Variants in XIAP observed in about 807,000 individuals in gnomAD.
XIAP encodes the protein X-linked inhibitor of apoptosis, also known as E3 ubiquitin-protein ligase XIAP.
In XIAP, 3 loss-of-function variants were observed where a neutral mutation model predicts 33.1. The ratio of observed to expected loss-of-function variants is 0.09; its 90% confidence interval spans 0.04 to 0.23. The LOEUF (loss-of-function observed/expected upper bound fraction) is 0.23, where lower values mean the gene tolerates loss of function less well. Ranked by LOEUF, XIAP falls within the 10% of genes least tolerant of loss-of-function variation. XIAP has a pLI of 1.00. For missense variants in XIAP, 264 were observed against 363.0 expected (o/e 0.73, Z 2.22); for synonymous variants, 98 against 121.3 (o/e 0.81, Z 1.26).
intron 1 of XIAP, among the ~76,000 whole-genome samples, chrX:123,877,662 A>G (rs991959593): frequency 2.7e-5 from 3 of 112,043 alleles, no homozygotes; most frequent in Non-Finnish European, 5.6e-5. Flanking sequence ...GATAGAATCA[A>G]ACTTTTTCTC....
At chrX:123,884,366 C>T (rs1041262338) in intron 1 of XIAP, among the ~76,000 whole-genome samples, 1 of 110,514 alleles carries the variant, frequency 9.0e-6, no homozygotes. Context: ...TGCCTGTAAT[C>T]CCAGCTACTT....
chrX:123,881,941 G>T (rs1320431458), intron 1 of XIAP, among the ~76,000 whole-genome samples: 1 of 110,421 alleles, frequency 9.1e-6, no homozygotes, highest in African/African-American at 3.3e-5. Context: ...TTTTGGTAGA[G>T]ATGGGGTTTC....
intron 1 of XIAP, chrX:123,872,541 T>C (rs2053204302): frequency 9.1e-6 from 1 of 109,792 alleles, no homozygotes; most frequent in African/African-American, 3.3e-5. Flanking sequence ...ATACAAAAAT[T>C]AGTCGGGCAT....
chrX:123,889,956 A>G (rs1162136932), intron 3 of XIAP, among the ~76,000 whole-genome samples: 1 of 99,946 alleles, frequency 1.0e-5, no homozygotes, highest in Non-Finnish European at 2.0e-5. Flanking sequence ...CCTAGGAAAT[A>G]TTAATGTATC....
Position 123,892,735 on chromosome X carries a change from G to T in XIAP, c.1061G>T (p.Arg354Ile). The T allele has an allele frequency of 8.3e-7, 1 of 1,201,880 alleles. No individual in the cohort carries two copies. The highest frequency in any genetic ancestry group is 1.1e-6 in the Non-Finnish European group (1 of 887,426). The change falls in exon 5 of 7, where the codon AGA becomes ATA. Residue 354 changes from arginine to isoleucine, a missense_variant. Physicochemically the swap from Arg to Ile is moderately conservative, Grantham distance 97. Coordinates refer to ENST00000371199, the MANE Select transcript of XIAP (RefSeq NM_001167.4). ...LTHSLEECLV[R>I]TTEKTPSLTR... ...CAGTTCCTATTTCTGTTACAGGTAAGAACTACTGAGAAAACACCATCACTA... is the reference window on the plus strand; with the variant it reads ...CAGTTCCTATTTCTGTTACAGGTAATAACTACTGAGAAAACACCATCACTA...
At chrX:123,874,909 T>C (rs1281630682) in intron 1 of XIAP, among the ~76,000 whole-genome samples, 2 of 95,515 alleles carry the variant, frequency 2.1e-5, no homozygotes, top group Non-Finnish European at 4.1e-5. Flanking sequence ...GCCTAGGTTT[T>C]GCCATGTTGG....
intron 1 of XIAP, chrX:123,878,813 T>C (rs778329837): frequency 2.7e-5 from 3 of 112,437 alleles, no homozygotes; most frequent in African/African-American, 9.7e-5. Context: ...TTAAATAATA[T>C]TGTCACCTTC....
At position 123,911,629 on chromosome X, in the gene XIAP, G is replaced by T. The variant is rs2053603985; in HGVS notation, c.*4448G>T. The T allele has an allele frequency of 3.1e-6, 1 of 322,477 alleles. No homozygotes were observed. The highest frequency in any genetic ancestry group is 6.0e-6 in the Non-Finnish European group (1 of 167,674). The allele number at this position is 322,477 out of a possible 1,213,427, so 26.6% of individuals were successfully genotyped here. A position where few individuals can be genotyped will look rare whatever the true frequency, so the allele number is the denominator to read the frequency against. On this transcript the variant is annotated 3_prime_UTR_variant, in exon 7 of 7. Transcript: ENST00000371199. ...TGAATTTGAGGCAGCAGTGAGCTAT[G>T]ATTGTGCCACTGTACTCCAGTCTGG...
chrX:123,889,604 G>A (rs1183885720), intron 3 of XIAP, among the ~76,000 whole-genome samples: 10 of 107,896 alleles, frequency 9.3e-5, no homozygotes, highest in South Asian at 8.0e-4. Flanking sequence ...TGCAATCTCC[G>A]CCTCCTGGGT....
chrX:123,868,311 A>T (rs980211241), intron 1 of XIAP, among the ~76,000 whole-genome samples: 1 of 111,244 alleles, frequency 9.0e-6, no homozygotes, highest in Non-Finnish European at 1.9e-5. Flanking sequence ...ACAAACAAGC[A>T]AACAAACAAA....
intron 1 of XIAP, among the ~76,000 whole-genome samples, chrX:123,883,218 GA>G: frequency 9.2e-6 from 1 of 108,570 alleles, no homozygotes; most frequent in Admixed American, 1.0e-4. Context: ...GAGTAGCTGG[GA>G]TTACAGGTAC....
intron 1 of XIAP, among the ~76,000 whole-genome samples, chrX:123,874,188 A>G (rs1005521179): frequency 3.6e-5 from 4 of 111,890 alleles, no homozygotes; most frequent in African/African-American, 9.7e-5. Flanking sequence ...GATTACACCC[A>G]TAGTCTGGTT....
intron 2 of XIAP, among the ~76,000 whole-genome samples, chrX:123,887,621 C>T (rs934037106): frequency 1.8e-5 from 2 of 111,837 alleles, no homozygotes; most frequent in Admixed American, 1.9e-4. Context: ...ATACTTGAAA[C>T]ATAACTTGTT....
At chrX:123,865,090 C>G (rs1225536202) in intron 1 of XIAP, among the ~76,000 whole-genome samples, 1 of 106,212 alleles carries the variant, frequency 9.4e-6, no homozygotes, top group Non-Finnish European at 1.9e-5. Flanking sequence ...GGGAGATTAT[C>G]ATGAGCTGTC....
intron 1 of XIAP, chrX:123,873,742 C>T (rs2053216542): frequency 9.7e-6 from 1 of 103,198 alleles, no homozygotes; most frequent in African/African-American, 3.5e-5. Flanking sequence ...GCCTGACCAA[C>T]ATGGTGAAAC....
At chrX:123,860,540 C>G (rs1489916631) in intron 1 of XIAP, 12 of 248,941 alleles carry the variant, frequency 4.8e-5, no homozygotes, top group Non-Finnish European at 5.3e-5. Flanking sequence ...CCCTGTGACA[C>G]CTAAGGTAAA....
At chrX:123,882,397 G>T (rs2053311860) in intron 1 of XIAP, among the ~76,000 whole-genome samples, 1 of 111,852 alleles carries the variant, frequency 8.9e-6, no homozygotes, top group Non-Finnish European at 1.9e-5. Flanking sequence ...GATATCTTAA[G>T]GTAGTTAGTC....
chrX:123,907,430 C>A lies in XIAP; in HGVS notation c.*249C>A. ...ACCATAGACTAAGAATAAGAAGCAT[C>A]ATACTATAACTGAACACAATGTGTA... On this transcript the variant is annotated 3_prime_UTR_variant, in exon 7 of 7. Transcript: ENST00000371199. 2.2e-6 allele frequency: 1 copy of A among 445,136 alleles called. No individual in the cohort carries two copies. The highest frequency in any genetic ancestry group is 4.2e-5 in the East Asian group (1 of 24,005). 36.7% of individuals were successfully genotyped at this position (445,136 alleles called of 1,213,427 possible).
chrX:123,896,579 C>CTT lies in XIAP; in HGVS notation c.1099+3821_1099+3822dup, dbSNP rs749486443. 9.3e-5 allele frequency among the ~76,000 whole-genome samples: 9 copies of CTT among 97,261 alleles called. No individual in the cohort carries two copies. The East Asian group carries it at 1.9e-3, about 20-fold the overall frequency. 84.5% of individuals were successfully genotyped at this position (97,261 alleles called of 115,157 possible). A position where few individuals can be genotyped will look rare whatever the true frequency, so the allele number is the denominator to read the frequency against. ...TATTTTCTCCCATTCTGTGGGTTTC[C>CTT]TTTTTTTTTTTTTTTTCCCAAGACG... On this transcript the variant is annotated intron_variant, in intron 5 of 6. Coordinates refer to ENST00000371199, the MANE Select transcript of XIAP (RefSeq NM_001167.4).
Sources: gnomAD v4.1 joint callset for allele counts (sites outside exome capture counted in the v4.1 genomes callset) on GRCh38, gnomAD v4.1.1 for gene constraint, MANE v1.5 for transcripts, NCBI Gene and HGNC (gene_info 2026-07-23, HGNC 2026-07-21) for gene names.